The following SLC35F4 variants were observed in gnomAD, a reference collection of about 807,000 sequenced individuals.
SLC35F4 encodes solute carrier family 35 member F4, also known as chromosome 14 open reading frame 36.
SLC35F4 carries 24 observed loss-of-function variants against 44.2 expected under a neutral mutation model. The observed-to-expected ratio is 0.54, with a 90% confidence interval of 0.39 to 0.76. The LOEUF (loss-of-function observed/expected upper bound fraction) is 0.76, where lower values mean the gene tolerates loss of function less well. Ranked by LOEUF, SLC35F4 falls within the 30% of genes least tolerant of loss-of-function variation. The probability of loss-of-function intolerance (pLI) is 0.00; values close to 1 mark genes in which losing one functional copy is unlikely to be tolerated. For synonymous variants in SLC35F4, 238 were observed against 223.6 expected (o/e 1.06, Z -0.57); for missense variants, 562 against 586.1 (o/e 0.96, Z 0.42).
At chr14:57,897,212 A>G (rs955726420) in intron 1 of SLC35F4, among the ~76,000 whole-genome samples, 36 of 152,086 alleles carry the variant, frequency 2.4e-4, no homozygotes, top group Non-Finnish European at 5.1e-4. Context: ...CAGGACTGTT[A>G]GCACCATTTC....
intron 2 of SLC35F4, among the ~76,000 whole-genome samples, chr14:57,589,986 T>C (rs2070054734): frequency 6.6e-6 from 1 of 152,188 alleles, no homozygotes; most frequent in African/African-American, 2.4e-5. Context: ...GTGTTCTTTC[T>C]GTGTGGGAAC....
intron 1 of SLC35F4, among the ~76,000 whole-genome samples, chr14:57,612,064 T>A (rs2071543324): frequency 6.6e-6 from 1 of 151,968 alleles, no homozygotes; most frequent in South Asian, 2.1e-4. Context: ...GGAGTCTGAG[T>A]TACTACCACT....
At chr14:57,863,517 C>A (rs185257895) in intron 1 of SLC35F4, among the ~76,000 whole-genome samples, 4 of 152,308 alleles carry the variant, frequency 2.6e-5, no homozygotes, top group African/African-American at 9.6e-5. Flanking sequence ...ATTATATATT[C>A]ATCACTGTAG....
At chr14:57,652,020 G>A (rs1263262931) in intron 1 of SLC35F4, among the ~76,000 whole-genome samples, 1 of 152,200 alleles carries the variant, frequency 6.6e-6, no homozygotes. Context: ...AGGCATCCTA[G>A]GGTACCTGGA....
At chr14:57,884,196 C>T (rs1349869098) in intron 1 of SLC35F4, among the ~76,000 whole-genome samples, 3 of 152,146 alleles carry the variant, frequency 2.0e-5, no homozygotes, top group African/African-American at 7.2e-5. Flanking sequence ...CTTCTAGACA[C>T]TTCTTGTTTT....
chr14:57,951,844 G>T (rs139512241), intron 1 of SLC35F4, among the ~76,000 whole-genome samples: 1 of 152,158 alleles, frequency 6.6e-6, no homozygotes, highest in Admixed American at 6.5e-5. Context: ...GGGAAGAGGC[G>T]GCTATGGGCA....
intron 1 of SLC35F4, among the ~76,000 whole-genome samples, chr14:57,966,234 T>C (rs1392967777): frequency 6.6e-6 from 1 of 152,194 alleles, no homozygotes; most frequent in Non-Finnish European, 1.5e-5. Flanking sequence ...CTATCCCTAC[T>C]GTGATTCTCA....
At position 57,622,710 on chromosome 14, in the gene SLC35F4, C is replaced by T. The variant is rs541490636; in HGVS notation, c.104-28586G>A. 1.6e-4 allele frequency among the ~76,000 whole-genome samples: 25 copies of T among 151,972 alleles called. No homozygotes were observed. In the South Asian group the frequency reaches 4.0e-3, roughly 24 times the overall value. ...GGGAGGGATAGCATTGGGAGATATA[C>T]CTAATGCTAGATGACGAGTTAGTGG... On this transcript the variant is annotated intron_variant, in intron 1 of 7. Coordinates refer to ENST00000556826, the MANE Select transcript of SLC35F4 (RefSeq NM_001306087.2).
rs78118686 is a variant in SLC35F4, at chr14:57,640,721, A to G, written c.104-46597T>C. 4.6e-3 allele frequency among the ~76,000 whole-genome samples: 699 copies of G among 152,154 alleles called. 6 individuals are homozygous for G. The highest frequency in any genetic ancestry group is 0.015 in the African/African-American group (640 of 41,554). On this transcript the variant is annotated intron_variant, in intron 1 of 7. Coordinates refer to ENST00000556826, the MANE Select transcript of SLC35F4 (RefSeq NM_001306087.2). ...GCCCTGATATATCATTTTGGATAGC[A>G]TATTTCCATAAGTTTGGTTTATATA...
intron 4 of SLC35F4, chr14:57,578,797 G>A (rs924239093): frequency 1.4e-4 from 21 of 152,252 alleles, no homozygotes; most frequent in African/African-American, 4.1e-4. Flanking sequence ...GTACTTATTA[G>A]CTATTTAACA....
intron 1 of SLC35F4, among the ~76,000 whole-genome samples, chr14:57,925,657 T>C (rs1267410287): frequency 1.3e-5 from 2 of 149,562 alleles, no homozygotes; most frequent in Admixed American, 1.3e-4. Context: ...TTTTTTTTAA[T>C]AAAAATGGCA....
At chr14:57,788,796 G>A (rs1250746673) in intron 1 of SLC35F4, among the ~76,000 whole-genome samples, 9 of 151,688 alleles carry the variant, frequency 5.9e-5, no homozygotes, top group East Asian at 5.8e-4. Context: ...GCAAAAGAAC[G>A]GAAATCAAAA....
intron 1 of SLC35F4, among the ~76,000 whole-genome samples, chr14:57,917,755 A>T (rs1215953516): frequency 6.6e-6 from 1 of 152,154 alleles, no homozygotes; most frequent in Non-Finnish European, 1.5e-5. Flanking sequence ...ATATTGCACG[A>T]TGTTGAGGTT....
intron 1 of SLC35F4, among the ~76,000 whole-genome samples, chr14:57,847,712 T>C (rs1886161908): frequency 1.3e-5 from 2 of 152,192 alleles, no homozygotes; most frequent in Admixed American, 1.3e-4. Flanking sequence ...AACAGTCAGA[T>C]CAAGAAACAG....
chr14:57,803,575 G>GCTT, intron 1 of SLC35F4, among the ~76,000 whole-genome samples: 11 of 142,476 alleles, frequency 7.7e-5, no homozygotes, highest in African/African-American at 2.6e-4. Context: ...CAGCCCAAAA[G>GCTT]CTTCTTCTTT....
chr14:57,743,417 C>A (rs182340420), intron 1 of SLC35F4, among the ~76,000 whole-genome samples: 1 of 152,128 alleles, frequency 6.6e-6, no homozygotes, highest in African/African-American at 2.4e-5. Flanking sequence ...CACAGAAATA[C>A]AAACTACCAT....
chr14:57,637,319 T>G (rs369377864), intron 1 of SLC35F4, among the ~76,000 whole-genome samples: 13 of 152,236 alleles, frequency 8.5e-5, no homozygotes, highest in African/African-American at 3.1e-4. Context: ...GAACTCCTCC[T>G]CCTTCAGTTT....
At chr14:57,782,693 G>A (rs1028601932) in intron 1 of SLC35F4, among the ~76,000 whole-genome samples, 9 of 152,190 alleles carry the variant, frequency 5.9e-5, no homozygotes, top group South Asian at 4.1e-4. Flanking sequence ...AACACCCTGC[G>A]TAAGCAGTTT....
chr14:57,835,832 A>G (rs1442098737), intron 1 of SLC35F4, among the ~76,000 whole-genome samples: 1 of 152,264 alleles, frequency 6.6e-6, no homozygotes, highest in East Asian at 1.9e-4. Context: ...TTATTCTGGC[A>G]TCAAGCCATG....
Sources: gnomAD v4.1 joint callset for allele counts (sites outside exome capture counted in the v4.1 genomes callset) on GRCh38, gnomAD v4.1.1 for gene constraint, MANE v1.5 for transcripts, NCBI Gene and HGNC (gene_info 2026-07-23, HGNC 2026-07-21) for gene names.